SLIT1: variants seen among roughly 807,000 people sequenced by gnomAD.
SLIT1 encodes slit homolog 1 protein.
SLIT1 carries 66 observed loss-of-function variants against 186.1 expected under a neutral mutation model. That is an observed-to-expected ratio of 0.35 (90% confidence interval 0.29 to 0.44). The LOEUF is 0.44. Among genes scored for constraint, SLIT1 ranks in the 20% least tolerant of loss-of-function variants. The pLI, the probability that SLIT1 is intolerant of heterozygous loss-of-function variation, is 1.00. For missense variants in SLIT1, 1,638 were observed against 2,037.4 expected (o/e 0.80, Z 3.77); for synonymous variants, 761 against 833.8 (o/e 0.91, Z 1.50).
chr10:97,116,636 T>A (rs1032026839), intron 4 of SLIT1, among the ~76,000 whole-genome samples: 1 of 152,102 alleles, frequency 6.6e-6, no homozygotes, highest in African/African-American at 2.4e-5. Context: ...CAATTAACAC[T>A]CTCAAGAATG....
At chr10:97,174,625 C>T (rs1246343498) in intron 1 of SLIT1, among the ~76,000 whole-genome samples, 2 of 152,242 alleles carry the variant, frequency 1.3e-5, no homozygotes, top group Non-Finnish European at 2.9e-5. Flanking sequence ...CCTGGGGACC[C>T]ATCTTGTTTC....
chr10:97,139,799 C>T (rs901910629), intron 4 of SLIT1, among the ~76,000 whole-genome samples: 38 of 152,326 alleles, frequency 2.5e-4, no homozygotes, highest in African/African-American at 7.9e-4. Flanking sequence ...CACTGCATGT[C>T]AGTGTGCACA....
chr10:97,039,930 C>G, intron 21 of SLIT1, 58 bp downstream of exon 21: 1 of 1,586,554 alleles, frequency 6.3e-7, no homozygotes, highest in Non-Finnish European at 8.6e-7. Context: ...CAGGAAATGC[C>G]CCCACTGTCC....
chr10:97,108,228 G>T (rs1849432478), intron 4 of SLIT1, among the ~76,000 whole-genome samples: 1 of 152,122 alleles, frequency 6.6e-6, no homozygotes, highest in Non-Finnish European at 1.5e-5. Flanking sequence ...AGGGGAGGTG[G>T]GTAGGAGGGT....
At chr10:97,050,582 G>T (rs752753109) in intron 13 of SLIT1, among the ~76,000 whole-genome samples, 2 of 152,194 alleles carry the variant, frequency 1.3e-5, no homozygotes, top group Non-Finnish European at 2.9e-5. Context: ...TGCACAGAGA[G>T]GATGTGTTTG....
At chr10:97,104,256 A>G (rs1165264280) in intron 4 of SLIT1, among the ~76,000 whole-genome samples, 1 of 152,118 alleles carries the variant, frequency 6.6e-6, no homozygotes, top group Admixed American at 6.5e-5. Flanking sequence ...GTCAGTGCCA[A>G]GGTCCAGAAG....
At chr10:97,048,295 G>A (rs1848754899) in intron 14 of SLIT1, among the ~76,000 whole-genome samples, 1 of 152,204 alleles carries the variant, frequency 6.6e-6, no homozygotes. Context: ...ACGGGGTACA[G>A]GTGGCGTCAG....
intron 3 of SLIT1, among the ~76,000 whole-genome samples, chr10:97,162,141 C>T (rs925525263): frequency 2.6e-5 from 4 of 152,170 alleles, no homozygotes; most frequent in African/African-American, 9.7e-5. Flanking sequence ...TGTCTTCTTC[C>T]TCCTGTATTC....
chr10:97,116,315 C>T (rs1351110451), intron 4 of SLIT1, among the ~76,000 whole-genome samples: 1 of 152,152 alleles, frequency 6.6e-6, no homozygotes, highest in African/African-American at 2.4e-5. Context: ...CCTCCTCCCT[C>T]CAGCTAGAGA....
At chr10:97,119,913 G>GTATATATATATA (rs55656011) in intron 4 of SLIT1, among the ~76,000 whole-genome samples, 6,778 of 55,970 alleles carry the variant, frequency 0.12, 937 homozygotes, top group Non-Finnish European at 0.17. Flanking sequence ...TTCCAAAGGG[G>GTATATATATATA]TATATATATA....
At chr10:97,155,626 G>A (rs918051409) in intron 4 of SLIT1, among the ~76,000 whole-genome samples, 1 of 152,174 alleles carries the variant, frequency 6.6e-6, no homozygotes, top group Non-Finnish European at 1.5e-5. Context: ...GGCACCCAGA[G>A]CTTGACGGCA....
chr10:97,006,596 C>A lies in SLIT1; in HGVS notation c.3466G>T (p.Gly1156Cys). The part of the protein sequence containing the change: ...GNRPVCQCLP[G>C]FGGPECEKLL... ...TTCTCACACTCAGGGCCACCGAAGCCTGGGAGGCACTGGCACACAGGCCTG... is the reference window on the plus strand; with the variant it reads ...TTCTCACACTCAGGGCCACCGAAGCATGGGAGGCACTGGCACACAGGCCTG... Residue 1156 changes from glycine (G) to cysteine (C), a missense_variant, in exon 32 of 37, where the codon GGC becomes TGC. By Grantham distance (159) the Gly-to-Cys change is radical. Around this residue, in one of 3 missense-constraint regions of SLIT1, gnomAD observed 1,245 missense variants for 1,535.3 expected, o/e 0.81. Transcript: ENST00000266058. This position sits in a 1 kb window ranked among gnomAD's most constrained non-coding sequence, Gnocchi z 4.0. The A allele has an allele frequency of 6.2e-7, 1 of 1,614,248 alleles. No homozygotes were observed. Among genetic ancestry groups the A allele is most frequent in the Non-Finnish European group, 8.5e-7 (1 of 1,180,024 alleles).
intron 4 of SLIT1, among the ~76,000 whole-genome samples, chr10:97,135,413 A>C (rs1415949381): frequency 6.6e-6 from 1 of 152,156 alleles, no homozygotes; most frequent in Non-Finnish European, 1.5e-5. Flanking sequence ...CCTTCAAGAG[A>C]ACACAGACTT....
At chr10:97,053,366 T>G (rs560081680) in intron 13 of SLIT1, among the ~76,000 whole-genome samples, 2 of 152,192 alleles carry the variant, frequency 1.3e-5, no homozygotes, top group Non-Finnish European at 2.9e-5. Flanking sequence ...CCATGGGGCT[T>G]CCTCTTTGTC....
At chr10:97,149,422 C>T (rs930614357) in intron 4 of SLIT1, among the ~76,000 whole-genome samples, 2 of 152,166 alleles carry the variant, frequency 1.3e-5, no homozygotes, top group Non-Finnish European at 2.9e-5. Flanking sequence ...AGCGTCTGCG[C>T]TTGGGGCCTT....
At chr10:97,072,839 C>T (rs1849012311) in intron 4 of SLIT1, among the ~76,000 whole-genome samples, 1 of 152,172 alleles carries the variant, frequency 6.6e-6, no homozygotes, top group Admixed American at 6.5e-5. Context: ...AGAAGTTCTG[C>T]ACCTGAGAGC....
intron 1 of SLIT1, among the ~76,000 whole-genome samples, chr10:97,169,854 G>A (rs1021554799): frequency 5.3e-5 from 8 of 152,224 alleles, no homozygotes; most frequent in African/African-American, 1.4e-4. Context: ...ACTGAGGCAC[G>A]GATGCATGAA....
chr10:97,038,423 C>T (rs982425813), intron 21 of SLIT1, among the ~76,000 whole-genome samples: 1 of 152,198 alleles, frequency 6.6e-6, no homozygotes, highest in African/African-American at 2.4e-5. Context: ...CACCTTGGAC[C>T]TCCCTTCTGG....
intron 24 of SLIT1, among the ~76,000 whole-genome samples, chr10:97,031,187 C>T (rs1354892274): frequency 6.9e-6 from 1 of 144,930 alleles, no homozygotes; most frequent in African/African-American, 2.8e-5. Context: ...TGTCACCTTG[C>T]CCCTGGTGGG....
Sources: gnomAD v4.1 joint callset for allele counts (sites outside exome capture counted in the v4.1 genomes callset) on GRCh38, gnomAD v4.1.1 for gene constraint, gnomAD v4.1.1 regional missense constraint, Gnocchi (gnomAD v3.1) non-coding constraint, MANE v1.5 for transcripts, NCBI Gene and HGNC (gene_info 2026-07-23, HGNC 2026-07-21) for gene names.